Variants in MGAT4C observed in about 807,000 individuals in gnomAD.
MGAT4C encodes MGAT4 family member C.
In MGAT4C, 19 loss-of-function variants were observed where a neutral mutation model predicts 40.1. That is an observed-to-expected ratio of 0.47 (90% CI 0.33 to 0.70). MGAT4C has a LOEUF of 0.70. Among genes scored for constraint, MGAT4C ranks in the 30% least tolerant of loss-of-function variants. The pLI, the probability that MGAT4C is intolerant of heterozygous loss-of-function variation, is 0.02. For missense variants in MGAT4C, 491 were observed against 563.2 expected (o/e 0.87, Z 1.30); for synonymous variants, 181 against 187.1 (o/e 0.97, Z 0.27).
intron 1 of MGAT4C, among the ~76,000 whole-genome samples, chr12:86,765,423 C>T (rs1183090963): frequency 6.6e-6 from 1 of 152,150 alleles, no homozygotes; most frequent in Non-Finnish European, 1.5e-5. Flanking sequence ...TAGAATGGAA[C>T]CAAGTTGGAA....
intron 2 of MGAT4C, among the ~76,000 whole-genome samples, chr12:86,587,020 C>T (rs1284893843): frequency 2.0e-5 from 3 of 152,034 alleles, no homozygotes; most frequent in African/African-American, 7.2e-5. Context: ...GTCATGAAGT[C>T]CTTGTCCATG....
chr12:86,711,851 A>T (rs1382345430), intron 2 of MGAT4C, among the ~76,000 whole-genome samples: 1 of 152,178 alleles, frequency 6.6e-6, no homozygotes, highest in Non-Finnish European at 1.5e-5. Context: ...GTTAACAATT[A>T]TTAAGAATTT....
chr12:86,149,169 A>AT (rs1883955119), intron 1 of MGAT4C, among the ~76,000 whole-genome samples: 1 of 152,004 alleles, frequency 6.6e-6, no homozygotes, highest in Admixed American at 6.6e-5. Flanking sequence ...TATTTTTTAA[A>AT]TTTTTTCATA....
intron 3 of MGAT4C, among the ~76,000 whole-genome samples, chr12:86,380,368 A>C (rs2136219268): frequency 6.6e-6 from 1 of 152,258 alleles, no homozygotes; most frequent in South Asian, 2.1e-4. Context: ...ATAATCCTTA[A>C]CAGAAAAAAC....
chr12:86,590,074 G>A (rs1051924553), intron 2 of MGAT4C, among the ~76,000 whole-genome samples: 1 of 151,752 alleles, frequency 6.6e-6, no homozygotes, highest in Non-Finnish European at 1.5e-5. Flanking sequence ...TTTAACAAAG[G>A]GAGAGGAGTA....
intron 1 of MGAT4C, among the ~76,000 whole-genome samples, chr12:86,150,364 G>A (rs1318891750): frequency 6.6e-6 from 1 of 152,058 alleles, no homozygotes; most frequent in Non-Finnish European, 1.5e-5. Context: ...ACATATAAGG[G>A]CATACAATAC....
intron 4 of MGAT4C, among the ~76,000 whole-genome samples, chr12:86,300,054 C>G (rs1476042839): frequency 6.6e-6 from 1 of 152,214 alleles, no homozygotes; most frequent in Non-Finnish European, 1.5e-5. Context: ...CAAACTTTCT[C>G]TATTTGGACA....
intron 2 of MGAT4C, among the ~76,000 whole-genome samples, chr12:86,620,756 G>T (rs1407235182): frequency 6.6e-6 from 1 of 152,130 alleles, no homozygotes. Flanking sequence ...CTTGTGGGAG[G>T]TGATTGAATC....
In MGAT4C at chr12:85,980,003, A is replaced by G. The variant is rs1365790415; in HGVS notation, c.723T>C (p.Ile241=). 3 of 1,613,592 alleles carry G rather than the reference A, an allele frequency of 1.9e-6. No homozygotes were observed. The highest frequency in any genetic ancestry group is 1.3e-5 in the African/African-American group (1 of 74,930). ...CCCAGTAAGTTCCTTCTAGGGATGC[A>G]ATGACTTTCTTGATGGCAGTTAAGA... ...KNFLTAIKKV[I]ASLEGTYWVT... The change falls in exon 5 of 5, where the codon ATT becomes ATC. Residue 241 remains isoleucine, a synonymous_variant. Coordinates refer to ENST00000611864, the MANE Select transcript of MGAT4C (RefSeq NM_001351288.2).
chr12:86,754,846 CCTT>C (rs1186123801), intron 1 of MGAT4C, among the ~76,000 whole-genome samples: 1 of 152,096 alleles, frequency 6.6e-6, no homozygotes, highest in Admixed American at 6.6e-5. Flanking sequence ...CTGTTACTCA[CCTT>C]CTTTGCTTCC....
chr12:86,308,772 T>C (rs961931033), intron 4 of MGAT4C, among the ~76,000 whole-genome samples: 2 of 150,600 alleles, frequency 1.3e-5, no homozygotes, highest in African/African-American at 2.5e-5. Context: ...GAACCCACTA[T>C]GGTTGAGACA....
chr12:86,158,984 G>C, intron 1 of MGAT4C, among the ~76,000 whole-genome samples: 1 of 152,130 alleles, frequency 6.6e-6, no homozygotes, highest in East Asian at 1.9e-4. Flanking sequence ...TCAGCAAAGA[G>C]AGATAGTTTG....
chr12:86,466,694 G>A (rs1441751563), intron 2 of MGAT4C, among the ~76,000 whole-genome samples: 2 of 152,154 alleles, frequency 1.3e-5, no homozygotes, highest in Non-Finnish European at 2.9e-5. Context: ...TGGAGTTTGA[G>A]TTACTATGAT....
chr12:86,263,524 G>C (rs1381477755), intron 4 of MGAT4C, among the ~76,000 whole-genome samples: 1 of 152,016 alleles, frequency 6.6e-6, no homozygotes, highest in Non-Finnish European at 1.5e-5. Flanking sequence ...TTTTTTGGCT[G>C]AATAGTACTC....
intron 1 of MGAT4C, among the ~76,000 whole-genome samples, chr12:86,092,414 T>C (rs1873046102): frequency 6.6e-6 from 1 of 152,096 alleles, no homozygotes; most frequent in Non-Finnish European, 1.5e-5. Flanking sequence ...TAAATTACTA[T>C]TATCCTATTG....
intron 4 of MGAT4C, among the ~76,000 whole-genome samples, chr12:86,326,285 C>T (rs1466126968): frequency 1.4e-5 from 2 of 143,490 alleles, no homozygotes; most frequent in Non-Finnish European, 3.0e-5. Context: ...GGTAGATCTG[C>T]AGTATTCTCA....
chr12:85,997,919 A>T (rs1886809817), intron 2 of MGAT4C, among the ~76,000 whole-genome samples: 1 of 152,226 alleles, frequency 6.6e-6, no homozygotes, highest in South Asian at 2.1e-4. Context: ...ATAGTGCTCC[A>T]GTAGGGACTC....
chr12:86,733,050 A>G (rs976315927), intron 1 of MGAT4C, among the ~76,000 whole-genome samples: 3 of 152,132 alleles, frequency 2.0e-5, no homozygotes, highest in African/African-American at 7.2e-5. Context: ...GATTTGGAAG[A>G]ATGAAAAATT....
intron 2 of MGAT4C, among the ~76,000 whole-genome samples, chr12:86,536,816 C>T (rs1439572545): frequency 1.3e-5 from 2 of 152,152 alleles, no homozygotes; most frequent in African/African-American, 4.8e-5. Flanking sequence ...GTGGCGATTC[C>T]TCAGGGATCT....
Sources: gnomAD v4.1 joint callset for allele counts (sites outside exome capture counted in the v4.1 genomes callset) on GRCh38, gnomAD v4.1.1 for gene constraint, MANE v1.5 for transcripts, NCBI Gene and HGNC (gene_info 2026-07-23, HGNC 2026-07-21) for gene names.